The following CDK19 variants were observed in gnomAD, a reference collection of about 807,000 sequenced individuals.
CDK19 encodes the protein cyclin-dependent kinase 19.
In CDK19, 20 loss-of-function variants were observed where a neutral mutation model predicts 68.3. The ratio of observed to expected loss-of-function variants is 0.29; its 90% CI spans 0.21 to 0.43. CDK19 has a LOEUF of 0.43. Among genes scored for constraint, CDK19 ranks in the 20% least tolerant of loss-of-function variants. The pLI is 1.00. For synonymous variants in CDK19, 221 were observed against 222.8 expected (o/e 0.99, Z 0.07); for missense variants, 339 against 623.5 (o/e 0.54, Z 4.86).
At chr6:110,676,394 C>G (rs2114485967) in intron 2 of CDK19, among the ~76,000 whole-genome samples, 2 of 152,324 alleles carry the variant, frequency 1.3e-5, no homozygotes, top group Admixed American at 1.3e-4. Flanking sequence ...ATTACATAAA[C>G]TTAGTTGGTA....
At chr6:110,680,631 T>C (rs1241852270) in intron 2 of CDK19, among the ~76,000 whole-genome samples, 1 of 152,240 alleles carries the variant, frequency 6.6e-6, no homozygotes, top group African/African-American at 2.4e-5. Flanking sequence ...TAGCCACATA[T>C]TGTAGCCTCA....
chr6:110,654,839 G>T (rs1781202746), intron 4 of CDK19, among the ~76,000 whole-genome samples: 2 of 151,960 alleles, frequency 1.3e-5, no homozygotes, highest in Non-Finnish European at 2.9e-5. Flanking sequence ...TACTCGGGAG[G>T]CTAAGGCAGG....
At chr6:110,681,116 T>G (rs143341154) in intron 2 of CDK19, among the ~76,000 whole-genome samples, 6,229 of 152,212 alleles carry the variant, frequency 0.041, 218 homozygotes, top group Non-Finnish European at 0.054. Context: ...AGCAGGCAGA[T>G]CACTTGATGT....
chr6:110,624,404 A>G (rs527924873), intron 8 of CDK19, among the ~76,000 whole-genome samples: 1 of 152,164 alleles, frequency 6.6e-6, no homozygotes, highest in African/African-American at 2.4e-5. Flanking sequence ...TCAAATTAAA[A>G]GGTCTAAAAA....
chr6:110,798,010 GA>G (rs1288736243), intron 1 of CDK19, among the ~76,000 whole-genome samples: 1 of 143,232 alleles, frequency 7.0e-6, no homozygotes, highest in Non-Finnish European at 1.5e-5. Context: ...AAAAAAGAAA[GA>G]AAAAGAAAGA....
intron 4 of CDK19, among the ~76,000 whole-genome samples, chr6:110,647,529 C>A (rs1780686122): frequency 6.6e-6 from 1 of 151,860 alleles, no homozygotes; most frequent in Non-Finnish European, 1.5e-5. Flanking sequence ...TCTAAAAATC[C>A]CATGAATAAC....
intron 1 of CDK19, among the ~76,000 whole-genome samples, chr6:110,800,862 T>C (rs1370698813): frequency 6.6e-6 from 1 of 151,870 alleles, no homozygotes; most frequent in Non-Finnish European, 1.5e-5. Flanking sequence ...AGAGCAAAAG[T>C]TGGATGCATT....
chr6:110,815,241 T>C lies in CDK19; in HGVS notation c.-105A>G. ...GCTCCACTTCTCCAACAGCCGCCTC[T>C]CGCGCGCGCGCGCGCGCCGCCCGCC... On this transcript the variant is annotated 5_prime_UTR_variant, in exon 1 of 13. Coordinates refer to ENST00000368911, the MANE Select transcript of CDK19 (RefSeq NM_015076.5). 8.8e-7 allele frequency: 1 copy of C among 1,130,254 alleles called. No homozygotes were observed. The highest frequency in any genetic ancestry group is 1.1e-6 in the Non-Finnish European group (1 of 901,346). 70.0% of individuals were successfully genotyped at this position (1,130,254 alleles called of 1,614,324 possible). A position where few individuals can be genotyped will look rare whatever the true frequency, so the allele number is the denominator to read the frequency against.
intron 2 of CDK19, among the ~76,000 whole-genome samples, chr6:110,713,161 C>T (rs1380001988): frequency 6.7e-6 from 1 of 148,574 alleles, no homozygotes; most frequent in Non-Finnish European, 1.5e-5. Context: ...CGTGCCACTG[C>T]ACTCCAGCCT....
intron 2 of CDK19, among the ~76,000 whole-genome samples, chr6:110,700,148 G>A (rs1197114116): frequency 6.6e-6 from 1 of 152,176 alleles, no homozygotes; most frequent in Admixed American, 6.5e-5. Context: ...AGAATCTAAT[G>A]CTTGATGATC....
chr6:110,815,344 T>G lies in CDK19; in HGVS notation c.-208A>C. On this transcript the variant is annotated 5_prime_UTR_variant, in exon 1 of 13. Coordinates refer to ENST00000368911, the MANE Select transcript of CDK19 (RefSeq NM_015076.5). The stretch of plus-strand genomic sequence containing the variant: ...AGCCACCTCCTCCACCTCTTCCTCC[T>G]CCTCCTCCGCGACGGCGGCGGCGGC... 1.0e-5 allele frequency: 4 copies of G among 396,152 alleles called. No homozygotes were observed. The highest frequency in any genetic ancestry group is 2.1e-5 in the African/African-American group (1 of 46,858). The allele number at this position is 396,152 out of a possible 1,614,324, so 24.5% of individuals were successfully genotyped here.
intron 2 of CDK19, among the ~76,000 whole-genome samples, chr6:110,700,165 T>C (rs1773872334): frequency 6.6e-6 from 1 of 152,248 alleles, no homozygotes; most frequent in South Asian, 2.1e-4. Context: ...GATCTGTCAC[T>C]GTCTCCCAGT....
chr6:110,769,464 C>T (rs1238132292), intron 1 of CDK19, among the ~76,000 whole-genome samples: 1 of 151,254 alleles, frequency 6.6e-6, no homozygotes, highest in South Asian at 2.1e-4. Context: ...ACTAGGGAGG[C>T]TGAGGCAGGA....
rs1780591860 is a variant in CDK19 at position 110,646,520 on chromosome 6, G to A, written c.457-7814C>T. 3.0e-6 allele frequency: 4 copies of A among 1,317,506 alleles called. No individual in the cohort carries two copies. In the East Asian group the frequency reaches 7.7e-5, roughly 25 times the overall value. The allele number at this position is 1,317,506 out of a possible 1,614,324, so 81.6% of individuals were successfully genotyped here. A position where few individuals can be genotyped will look rare whatever the true frequency, so the allele number is the denominator to read the frequency against. ...CAGCGTGGTGCCCTGGGAAACCGACGTGCGCCTCCACCTGCAACAGGTGCT... is the reference window on the plus strand; with the variant it reads ...CAGCGTGGTGCCCTGGGAAACCGACATGCGCCTCCACCTGCAACAGGTGCT... On this transcript the variant is annotated intron_variant, in intron 4 of 12. Transcript: ENST00000368911.
intron 1 of CDK19, among the ~76,000 whole-genome samples, chr6:110,781,900 T>C (rs979990995): frequency 6.8e-6 from 1 of 147,928 alleles, no homozygotes; most frequent in Non-Finnish European, 1.5e-5. Flanking sequence ...AGTCAAAGAA[T>C]CTCTGTCAAT....
At chr6:110,808,484 T>C (rs1782835154) in intron 1 of CDK19, among the ~76,000 whole-genome samples, 1 of 152,114 alleles carries the variant, frequency 6.6e-6, no homozygotes, top group African/African-American at 2.4e-5. Flanking sequence ...TACAATAGAG[T>C]TGAGTAATTG....
intron 2 of CDK19, among the ~76,000 whole-genome samples, chr6:110,707,844 C>A (rs1042417824): frequency 1.3e-4 from 20 of 152,048 alleles, no homozygotes; most frequent in African/African-American, 4.8e-4. Context: ...TGGTGGCAGG[C>A]ACCTGTAGTC....
At position 110,813,116 on chromosome 6, in the gene CDK19, A is replaced by C. The variant is rs1181916002; in HGVS notation, c.128+1893T>G. The C allele has an allele frequency of 9.9e-5, 15 of 152,054 alleles. 1 individual carries two copies. The highest frequency in any genetic ancestry group is 3.6e-4 in the African/African-American group (15 of 41,408). The allele number at this position is 152,054 out of a possible 1,614,324, so 9.4% of individuals were successfully genotyped here. ...CAAACTAATCTTACTCTAGTAAAGA[A>C]GCTTTATTAATTCTAATTAACAAAT... On this transcript the variant is annotated intron_variant, in intron 1 of 12. Transcript: ENST00000368911.
At chr6:110,719,094 G>A (rs186785073) in intron 2 of CDK19, among the ~76,000 whole-genome samples, 6 of 152,104 alleles carry the variant, frequency 3.9e-5, no homozygotes, top group Non-Finnish European at 7.4e-5. Context: ...ATTAGTTCAG[G>A]GAGAAAAAAG....
Sources: allele counts gnomAD v4.1 joint callset (sites outside exome capture counted in the v4.1 genomes callset), GRCh38; gene constraint gnomAD v4.1.1; transcripts MANE v1.5; gene names NCBI Gene and HGNC (gene_info 2026-07-23, HGNC 2026-07-21).